Variants in SLC9A2 observed in about 807,000 individuals in gnomAD.
The protein encoded by SLC9A2 is solute carrier family 9 member A2, also known as sodium/hydrogen exchanger 2.
Under a neutral mutation model 71.7 loss-of-function variants are expected in SLC9A2, and 42 were observed. The observed-to-expected ratio is 0.59, with a 90% CI of 0.46 to 0.76. The LOEUF is 0.76. SLC9A2 is among the 30% of genes least tolerant of loss of function. SLC9A2 has a pLI of 0.00. For synonymous variants in SLC9A2, 396 were observed against 392.5 expected (o/e 1.01, Z -0.10); for missense variants, 829 against 1,017.4 (o/e 0.81, Z 2.52).
At position 102,708,290 on chromosome 2, in the gene SLC9A2, C is replaced by G. The variant is rs1678024562; in HGVS notation, c.2240C>G (p.Pro747Arg). Reference sequence around the variant, plus strand: ...TCTGGCCGAGATATGCCCAGCACCCCCCCAACACCCCACAGCAGAGAAAAG... The same window carrying G: ...TCTGGCCGAGATATGCCCAGCACCCGCCCAACACCCCACAGCAGAGAAAAG... ...VDSGRDMPSTPPTPHSREKGT... is the reference protein window; with the variant it reads ...VDSGRDMPSTRPTPHSREKGT... The change falls in exon 12 of 12, where the codon CCC becomes CGC. Residue 747 changes from proline (P) to arginine (R), a missense_variant. By Grantham distance (103) the Pro-to-Arg change is moderately radical. Transcript: ENST00000233969. The G allele has an allele frequency of 6.2e-7, 1 of 1,614,168 alleles. No individual in the cohort carries two copies. The highest frequency in any genetic ancestry group is 1.1e-5 in the South Asian group (1 of 91,072).
At chr2:102,694,947 C>T in intron 6 of SLC9A2, 96 bp from the exon 7 acceptor site, 1 of 981,758 alleles carries the variant, frequency 1.0e-6, no homozygotes, top group Non-Finnish European at 1.6e-6. Flanking sequence ...AAGCAAAAGC[C>T]ATGAAGGTCT....
At chr2:102,670,437 G>T (rs550996194) in intron 3 of SLC9A2, among the ~76,000 whole-genome samples, 2 of 152,048 alleles carry the variant, frequency 1.3e-5, no homozygotes, top group East Asian at 3.9e-4. Context: ...TTATTGCAAA[G>T]AAAGTAGAAA....
At chr2:102,688,429 T>C (rs1206162897) in intron 5 of SLC9A2, among the ~76,000 whole-genome samples, 3 of 152,100 alleles carry the variant, frequency 2.0e-5, no homozygotes, top group Admixed American at 6.5e-5. Flanking sequence ...ATATACTACA[T>C]TAAGAAAAAT....
chr2:102,652,823 T>C (rs1445090328), intron 1 of SLC9A2, among the ~76,000 whole-genome samples: 1 of 152,140 alleles, frequency 6.6e-6, no homozygotes, highest in Non-Finnish European at 1.5e-5. Context: ...CTGATACATT[T>C]TTTCCCAATA....
intron 1 of SLC9A2, among the ~76,000 whole-genome samples, chr2:102,630,099 T>C (rs556931729): frequency 5.1e-4 from 78 of 152,248 alleles, no homozygotes; most frequent in Non-Finnish European, 1.1e-3. Context: ...TAATTCATAT[T>C]TGGACTGTAT....
chr2:102,643,602 G>T (rs1407532324), intron 1 of SLC9A2, among the ~76,000 whole-genome samples: 1 of 152,184 alleles, frequency 6.6e-6, no homozygotes, highest in Non-Finnish European at 1.5e-5. Flanking sequence ...TGGTCTGGGG[G>T]TCTCCAGCCA....
chr2:102,633,595 A>G (rs918870581), intron 1 of SLC9A2, among the ~76,000 whole-genome samples: 1 of 152,206 alleles, frequency 6.6e-6, no homozygotes, highest in African/African-American at 2.4e-5. Flanking sequence ...AGTTAGGATT[A>G]GTATGACCTC....
At chr2:102,661,708 G>C (rs1466597423) in intron 2 of SLC9A2, among the ~76,000 whole-genome samples, 1 of 152,080 alleles carries the variant, frequency 6.6e-6, no homozygotes, top group East Asian at 1.9e-4. Context: ...TTGATTATTT[G>C]AAAGATTTCA....
At chr2:102,626,777 C>A (rs1001407312) in intron 1 of SLC9A2, among the ~76,000 whole-genome samples, 12 of 152,306 alleles carry the variant, frequency 7.9e-5, no homozygotes, top group African/African-American at 2.6e-4. Flanking sequence ...TGAACAGACA[C>A]TTCTCAAAAG....
intron 1 of SLC9A2, among the ~76,000 whole-genome samples, chr2:102,647,675 A>C (rs559411032): frequency 6.6e-6 from 1 of 152,224 alleles, no homozygotes; most frequent in Non-Finnish European, 1.5e-5. Context: ...CACTGATCCC[A>C]CAGAAATACA....
chr2:102,677,100 C>A (rs1677357988), intron 3 of SLC9A2, among the ~76,000 whole-genome samples: 1 of 152,110 alleles, frequency 6.6e-6, no homozygotes, highest in East Asian at 1.9e-4. Flanking sequence ...ACAGACCATG[C>A]TAAGCATTAG....
intron 1 of SLC9A2, among the ~76,000 whole-genome samples, chr2:102,654,683 T>A (rs369547714): frequency 1.3e-5 from 2 of 152,192 alleles, no homozygotes; most frequent in African/African-American, 4.8e-5. Flanking sequence ...ACAAAGGGGA[T>A]ACGTTCTGCA....
intron 5 of SLC9A2, among the ~76,000 whole-genome samples, chr2:102,684,797 G>T (rs986063901): frequency 2.0e-5 from 3 of 152,150 alleles, no homozygotes; most frequent in African/African-American, 7.2e-5. Flanking sequence ...TCCCTACTTT[G>T]CAAGTTAATC....
intron 1 of SLC9A2, among the ~76,000 whole-genome samples, chr2:102,622,022 T>A (rs769495964): frequency 1.1e-4 from 17 of 152,180 alleles, no homozygotes; most frequent in Non-Finnish European, 1.2e-4. Context: ...CTATTAGTGG[T>A]GACTAAGAGA....
At chr2:102,661,178 A>AATT (rs1175679602) in intron 2 of SLC9A2, among the ~76,000 whole-genome samples, 2 of 152,210 alleles carry the variant, frequency 1.3e-5, no homozygotes, top group Non-Finnish European at 2.9e-5. Flanking sequence ...AACTTTCCAA[A>AATT]ATTTCCCTAT....
At chr2:102,662,082 A>T (rs1046751293) in intron 2 of SLC9A2, among the ~76,000 whole-genome samples, 1 of 152,154 alleles carries the variant, frequency 6.6e-6, no homozygotes, top group Non-Finnish European at 1.5e-5. Context: ...TAACGCTCCT[A>T]CCTGAGATAT....
intron 5 of SLC9A2, among the ~76,000 whole-genome samples, chr2:102,688,714 A>G (rs144756270): frequency 3.8e-4 from 58 of 152,292 alleles, no homozygotes; most frequent in African/African-American, 1.4e-3. Context: ...GCGACAGAGC[A>G]AGACTCTGTC....
chr2:102,698,022 A>G (rs1677799787), intron 7 of SLC9A2, among the ~76,000 whole-genome samples: 1 of 151,744 alleles, frequency 6.6e-6, no homozygotes, highest in Admixed American at 6.6e-5. Context: ...AAGCAAGGAA[A>G]ACGCACTATC....
Position 102,700,603 on chromosome 2 carries a change from T to C in SLC9A2, c.1587-467T>C, listed in dbSNP as rs371883895. Among the ~76,000 whole-genome samples, 5 of 152,276 alleles carry C rather than the reference T, an allele frequency of 3.3e-5. 1 individual carries two copies. Among genetic ancestry groups the C allele is most frequent in the African/African-American group, 1.2e-4 (5 of 41,558 alleles). Reference sequence around the variant, plus strand: ...GATAAGAGTAGCTTTAATGGAGTATTGAGGCAATGTGAATGTTCAAGAGAG... The same window carrying C: ...GATAAGAGTAGCTTTAATGGAGTATCGAGGCAATGTGAATGTTCAAGAGAG... On this transcript the variant is annotated intron_variant, in intron 7 of 11. Transcript: ENST00000233969.
Sources: gnomAD v4.1 joint callset for allele counts (sites outside exome capture counted in the v4.1 genomes callset) on GRCh38, gnomAD v4.1.1 for gene constraint, MANE v1.5 for transcripts, NCBI Gene and HGNC (gene_info 2026-07-23, HGNC 2026-07-21) for gene names.